The following COL23A1 variants were observed in gnomAD, a reference collection of about 807,000 sequenced individuals.
The protein encoded by COL23A1 is collagen alpha-1(XXIII) chain.
In COL23A1, 97 loss-of-function variants were observed where a neutral mutation model predicts 99.3. The ratio of observed to expected loss-of-function variants is 0.98; its 90% CI spans 0.83 to 1.16. The LOEUF (loss-of-function observed/expected upper bound fraction) is 1.16, where lower values mean the gene tolerates loss of function less well. Among genes scored for constraint, COL23A1 ranks in the 50% most tolerant of loss-of-function variants. COL23A1 has a pLI of 0.00. For synonymous variants in COL23A1, 320 were observed against 308.2 expected (o/e 1.04, Z -0.40); for missense variants, 762 against 757.4 (o/e 1.01, Z -0.07).
At chr5:178,247,370 G>A (rs1448266848) in intron 22 of COL23A1, among the ~76,000 whole-genome samples, 156 bp downstream of exon 22, 1 of 152,132 alleles carries the variant, frequency 6.6e-6, no homozygotes, top group Admixed American at 6.5e-5. Context: ...CATCGGGGAG[G>A]TTATGCCCTG....
chr5:178,245,077 TATC>T (rs72123410), intron 25 of COL23A1, among the ~76,000 whole-genome samples: 32,259 of 124,386 alleles, frequency 0.26, 5,627 homozygotes, highest in African/African-American at 0.42. Context: ...ACTCATCATC[TATC>T]ATCCATCCAT....
At chr5:178,399,895 G>A (rs1307465306) in intron 2 of COL23A1, among the ~76,000 whole-genome samples, 2 of 152,074 alleles carry the variant, frequency 1.3e-5, no homozygotes, top group East Asian at 1.9e-4. Flanking sequence ...CATTCCCTTC[G>A]GCTCATCTGT....
At chr5:178,467,417 G>A (rs1234190912) in intron 2 of COL23A1, among the ~76,000 whole-genome samples, 1 of 152,230 alleles carries the variant, frequency 6.6e-6, no homozygotes, top group Non-Finnish European at 1.5e-5. Context: ...GTGATGCAGG[G>A]TGACCCTACC....
chr5:178,311,507 C>CGT (rs1307866835), intron 2 of COL23A1, among the ~76,000 whole-genome samples: 35 of 26,116 alleles, frequency 1.3e-3, no homozygotes, highest in African/African-American at 2.0e-3. Flanking sequence ...TGTGTGTGTG[C>CGT]GCGTGTGTGT....
At chr5:178,272,593 A>T (rs1756353517) in intron 5 of COL23A1, among the ~76,000 whole-genome samples, 1 of 152,048 alleles carries the variant, frequency 6.6e-6, no homozygotes, top group African/African-American at 2.4e-5. Flanking sequence ...CCTCCATCAC[A>T]GGCATAGTTC....
At position 178,522,174 on chromosome 5, in the gene COL23A1, C is replaced by A. The variant is rs1034382397; in HGVS notation, c.361+38508G>T. On this transcript the variant is annotated intron_variant, in intron 2 of 28. Transcript: ENST00000390654. ...GTTAACTGGATGAAGGTGTCTTTTG[C>A]CCCTTGAGACCTAAAACGTGTTTTC... Among the ~76,000 whole-genome samples, 4 of 152,222 alleles carry A rather than the reference C, an allele frequency of 2.6e-5. No homozygotes were observed. In the South Asian group the frequency reaches 6.2e-4, roughly 24 times the overall value.
intron 1 of COL23A1, among the ~76,000 whole-genome samples, chr5:178,584,022 C>A (rs931712354): frequency 6.6e-6 from 1 of 152,036 alleles, no homozygotes; most frequent in Non-Finnish European, 1.5e-5. Flanking sequence ...GCCACCATGC[C>A]CAGCTGATTA....
intron 2 of COL23A1, among the ~76,000 whole-genome samples, chr5:178,433,576 GC>G (rs1766384051): frequency 6.6e-6 from 1 of 152,112 alleles, no homozygotes; most frequent in Admixed American, 6.5e-5. Context: ...GGAGGGTGGG[GC>G]TGAAAGTTCC....
chr5:178,244,317 TGG>T (rs1445791723), intron 25 of COL23A1, among the ~76,000 whole-genome samples: 1 of 152,086 alleles, frequency 6.6e-6, no homozygotes, highest in Non-Finnish European at 1.5e-5. Flanking sequence ...AAGTCTAGGG[TGG>T]GCACCAGAGT....
At chr5:178,247,740 C>T (rs771492131) in intron 21 of COL23A1, 35 bp downstream of exon 21, 15 of 1,608,494 alleles carry the variant, frequency 9.3e-6, no homozygotes, top group Non-Finnish European at 1.1e-5. Context: ...GGTTTCCTGG[C>T]TGCTTCAAAC....
rs973781646 is a variant in COL23A1 at position 178,255,912 on chromosome 5, G to C, written c.882+441C>G. ...ACCCTAAAGGTAAGGTATGTTGATA[G>C]GGGCTGGTCACAAAAGATCTGGGGC... is the stretch of plus-strand genomic sequence containing the variant. On this transcript the variant is annotated intron_variant, in intron 15 of 28. Transcript: ENST00000390654. This position sits in a 1 kb window ranked among gnomAD's most constrained non-coding sequence, Gnocchi z 4.2. The C allele has an allele frequency of 2.0e-5, 6 of 303,156 alleles. No homozygotes were observed. Among genetic ancestry groups the C allele is most frequent in the African/African-American group, 8.9e-5 (4 of 45,048 alleles). The allele number at this position is 303,156 out of a possible 1,614,324, so 18.8% of individuals were successfully genotyped here.
At chr5:178,513,235 T>G (rs750334708) in intron 2 of COL23A1, among the ~76,000 whole-genome samples, 10 of 152,208 alleles carry the variant, frequency 6.6e-5, no homozygotes, top group Non-Finnish European at 1.0e-4. Flanking sequence ...GTGTTGAGGC[T>G]TTACTGCACT....
intron 2 of COL23A1, among the ~76,000 whole-genome samples, chr5:178,456,350 C>T (rs961464447): frequency 2.0e-5 from 3 of 152,020 alleles, no homozygotes; most frequent in African/African-American, 4.8e-5. Context: ...GGAAATACAG[C>T]GAAACATGTA....
chr5:178,270,683 G>C (rs1002328030), intron 5 of COL23A1, among the ~76,000 whole-genome samples: 1 of 152,214 alleles, frequency 6.6e-6, no homozygotes, highest in Admixed American at 6.5e-5. Context: ...TCAGCGATGA[G>C]CCTGGGATCC....
At chr5:178,548,153 T>G (rs1049690067) in intron 2 of COL23A1, among the ~76,000 whole-genome samples, 4 of 146,482 alleles carry the variant, frequency 2.7e-5, no homozygotes, top group African/African-American at 1.0e-4. Context: ...TGCTGGACTC[T>G]GGGCTAAGGA....
intron 11 of COL23A1, among the ~76,000 whole-genome samples, chr5:178,261,324 G>C (rs532935352): frequency 6.6e-6 from 1 of 152,158 alleles, no homozygotes; most frequent in East Asian, 1.9e-4. Context: ...TGAGGCAGGA[G>C]AATTGTTTGA....
At chr5:178,440,004 G>T (rs909005691) in intron 2 of COL23A1, 4 of 152,224 alleles carry the variant, frequency 2.6e-5, no homozygotes, top group African/African-American at 9.7e-5. Flanking sequence ...TGGTTGCCTG[G>T]GGCTGGGGGA....
At chr5:178,254,247 A>ATG (rs1011164401) in intron 16 of COL23A1, among the ~76,000 whole-genome samples, 1 of 151,996 alleles carries the variant, frequency 6.6e-6, no homozygotes, top group African/African-American at 2.4e-5. Flanking sequence ...CACATCATGC[A>ATG]TGTGCCTGCC....
chr5:178,275,337 A>G (rs1223096436), intron 5 of COL23A1, among the ~76,000 whole-genome samples: 1 of 152,174 alleles, frequency 6.6e-6, no homozygotes, highest in Non-Finnish European at 1.5e-5. Context: ...TGGCCTTCCA[A>G]GAGGCCGGCA....
Sources: gnomAD v4.1 joint callset for allele counts (sites outside exome capture counted in the v4.1 genomes callset) on GRCh38, gnomAD v4.1.1 for gene constraint, Gnocchi (gnomAD v3.1) non-coding constraint, MANE v1.5 for transcripts, NCBI Gene and HGNC (gene_info 2026-07-23, HGNC 2026-07-21) for gene names.